ZNF138: variants seen among roughly 807,000 people sequenced by gnomAD.
The protein encoded by ZNF138 is zinc finger protein 138, also known as zinc finger protein 138 (clone pHZ-32).
A neutral mutation model predicts 33.0 loss-of-function variants in ZNF138; 33 were observed. That is an observed-to-expected ratio of 1.00 (90% CI 0.76 to 1.34). The LOEUF (loss-of-function observed/expected upper bound fraction) is 1.34, where lower values mean the gene tolerates loss of function less well. ZNF138 is among the 40% of genes most tolerant of loss of function. The probability of loss-of-function intolerance (pLI) is 0.00; values close to 1 mark genes in which losing one functional copy is unlikely to be tolerated. For synonymous variants in ZNF138, 139 were observed against 120.4 expected (o/e 1.15, Z -1.01); for missense variants, 360 against 370.8 (o/e 0.97, Z 0.24).
At chr7:64,811,389 A>G (rs2128997579) in intron 1 of ZNF138, among the ~76,000 whole-genome samples, 1 of 152,302 alleles carries the variant, frequency 6.6e-6, no homozygotes, top group Admixed American at 6.5e-5. Context: ...GTTGTCGTCT[A>G]GGCTGGAGTG....
the ZNF138 span, chr7:64,852,592 A>G: frequency 7.2e-6 from 11 of 1,538,432 alleles, no homozygotes; most frequent in Non-Finnish European, 9.9e-6. Flanking sequence ...CACATGGTAA[A>G]CAGATCAGAA....
At position 64,832,317 on chromosome 7, in the gene ZNF138, G is replaced by C; in HGVS notation, c.*115G>C. 1.9e-6 allele frequency: 3 copies of C among 1,573,290 alleles called. 1 individual carries two copies. Among genetic ancestry groups the C allele is most frequent in the South Asian group, 2.4e-5 (2 of 84,130 alleles). On this transcript the variant is annotated 3_prime_UTR_variant, in exon 4 of 4. Coordinates refer to ENST00000307355, the MANE Select transcript of ZNF138 (RefSeq NM_001271639.2). Reference sequence around the variant, plus strand: ...TATTACACATAAGATAATTCATAGCGGAGAGAAACCCCACAAATGTGAAGA... The same window carrying C: ...TATTACACATAAGATAATTCATAGCCGAGAGAAACCCCACAAATGTGAAGA...
chr7:64,826,726 T>G (rs1334237873), intron 3 of ZNF138, among the ~76,000 whole-genome samples: 3 of 152,190 alleles, frequency 2.0e-5, no homozygotes, highest in African/African-American at 7.2e-5. Context: ...CTCGGTTCAC[T>G]GTAACTTCTG....
At chr7:64,800,457 CTT>C (rs1787052072) in intron 1 of ZNF138, among the ~76,000 whole-genome samples, 1 of 152,042 alleles carries the variant, frequency 6.6e-6, no homozygotes, top group African/African-American at 2.4e-5. Context: ...CAGTTTTTAT[CTT>C]TATTTTTGTT....
At chr7:64,827,949 T>C (rs1789774340) in intron 3 of ZNF138, among the ~76,000 whole-genome samples, 1 of 152,178 alleles carries the variant, frequency 6.6e-6, no homozygotes, top group Admixed American at 6.5e-5. Flanking sequence ...ATATGAACCA[T>C]ATGTCTACTG....
At chr7:64,817,918 G>T (rs182733982) in intron 3 of ZNF138, among the ~76,000 whole-genome samples, 2 of 151,690 alleles carry the variant, frequency 1.3e-5, no homozygotes, top group Admixed American at 1.3e-4. Context: ...GTTTGCTGTA[G>T]GTAAAGAGGA....
intron 1 of ZNF138, among the ~76,000 whole-genome samples, chr7:64,809,392 T>G (rs188054821): frequency 0.87 from 4,230 of 4,854 alleles, 2,035 homozygotes; most frequent in Middle Eastern, 1. Context: ...GGGCAGCCGG[T>G]TAGAGGCGCC....
chr7:64,821,112 C>T lies in ZNF138; in HGVS notation c.208+5459C>T, dbSNP rs140553805. Among the ~76,000 whole-genome samples, 870 of 148,716 alleles carry T rather than the reference C, an allele frequency of 5.9e-3. 34 individuals carry two copies. Among genetic ancestry groups the T allele is most frequent in the African/African-American group, 0.02 (779 of 39,608 alleles). On this transcript the variant is annotated intron_variant, in intron 3 of 3. Transcript: ENST00000307355. ...TTTGTTTGTTTGTTTGTTTTTGGGA[C>T]GGAGTCTGGCTCCGTCGCCCAGGCT...
chr7:64,851,742 T>C, the ZNF138 span, among the ~76,000 whole-genome samples: 1 of 152,192 alleles, frequency 6.6e-6, no homozygotes, highest in Admixed American at 6.5e-5. Flanking sequence ...ATGGTATTAC[T>C]GTAAATGTCA....
intron 1 of ZNF138, among the ~76,000 whole-genome samples, chr7:64,796,118 G>C (rs1291678977): frequency 6.6e-6 from 1 of 152,208 alleles, no homozygotes; most frequent in Non-Finnish European, 1.5e-5. Flanking sequence ...TGCTGGTATT[G>C]AGGGGAGAAC....
At chr7:64,825,880 G>A (rs1789574017) in intron 3 of ZNF138, among the ~76,000 whole-genome samples, 1 of 152,074 alleles carries the variant, frequency 6.6e-6, no homozygotes, top group Non-Finnish European at 1.5e-5. Context: ...TCGTCAATCA[G>A]GCTGGTTTGC....
chr7:64,844,391 T>A, the ZNF138 span, among the ~76,000 whole-genome samples: 4 of 106,392 alleles, frequency 3.8e-5, no homozygotes, highest in Admixed American at 2.3e-4. Context: ...TACCACTCCC[T>A]TTCTCAATTT....
chr7:64,853,446 G>T, the ZNF138 span: 4 of 677,678 alleles, frequency 5.9e-6, no homozygotes, highest in South Asian at 4.2e-5. Context: ...CTCGCTTTGC[G>T]CCCCGAGTTA....
intron 1 of ZNF138, among the ~76,000 whole-genome samples, chr7:64,796,600 TTTTC>T (rs1187553960): frequency 6.6e-6 from 1 of 152,248 alleles, no homozygotes; most frequent in African/African-American, 2.4e-5. Context: ...TCATTTACCT[TTTTC>T]TTTCCCAGAC....
chr7:64,853,024 G>A, the ZNF138 span: 23 of 1,493,916 alleles, frequency 1.5e-5, no homozygotes, highest in East Asian at 1.4e-4. Context: ...CCCCCATTGC[G>A]TAGAGGTCAC....
At chr7:64,795,681 C>CT (rs35138594) in intron 1 of ZNF138, among the ~76,000 whole-genome samples, 4,358 of 141,120 alleles carry the variant, frequency 0.031, 192 homozygotes, top group African/African-American at 0.1. Flanking sequence ...ATCTCTGTGC[C>CT]TTTTTTTTTT....
At chr7:64,835,237 A>G (rs944552017), downstream of ZNF138, 1 of 152,184 alleles carries the variant, frequency 6.6e-6, no homozygotes, top group African/African-American at 2.4e-5. Flanking sequence ...GAGTCCAATC[A>G]GTCCAGCCTA....
chr7:64,828,253 A>C (rs1483351419), intron 3 of ZNF138, among the ~76,000 whole-genome samples: 1 of 152,086 alleles, frequency 6.6e-6, no homozygotes, highest in African/African-American at 2.4e-5. Flanking sequence ...GTATTTTTAA[A>C]TATTCAGTTT....
intron 1 of ZNF138, 104 bp from the exon 2 acceptor site, chr7:64,814,814 A>G (rs1788475033): frequency 6.9e-7 from 1 of 1,452,998 alleles, no homozygotes. Flanking sequence ...GTAAGACATA[A>G]TCAGTTTTCC....
Sources: allele counts gnomAD v4.1 joint callset (sites outside exome capture counted in the v4.1 genomes callset), GRCh38; gene constraint gnomAD v4.1.1; transcripts MANE v1.5; gene names NCBI Gene and HGNC (gene_info 2026-07-23, HGNC 2026-07-21).